Variants in YIPF1 observed in about 807,000 individuals in gnomAD.
YIPF1 encodes the protein protein YIPF1.
A neutral mutation model predicts 37.0 loss-of-function variants in YIPF1; 22 were observed. The observed-to-expected ratio is 0.59, with a 90% CI of 0.42 to 0.85. The LOEUF is 0.85. Ranked by LOEUF, YIPF1 falls within the 40% of genes least tolerant of loss-of-function variation. The probability of loss-of-function intolerance (pLI) is 0.00; values close to 1 mark genes in which losing one functional copy is unlikely to be tolerated. For synonymous variants in YIPF1, 128 were observed against 131.9 expected (o/e 0.97, Z 0.21); for missense variants, 355 against 373.1 (o/e 0.95, Z 0.40).
At chr1:53,878,619 A>G (rs1263659493) in intron 5 of YIPF1, 23 bp downstream of exon 5, 2 of 1,596,466 alleles carry the variant, frequency 1.3e-6, no homozygotes, top group Middle Eastern at 1.7e-4. Flanking sequence ...CCGTAAAAGG[A>G]AAGGTGAAAT....
rs189364286 is a variant in YIPF1, at chr1:53,866,247, T to C, written c.784A>G (p.Ile262Val). ...ATATGGAGCAACACAATTGTCACAA[T>C]TGTGGCCAATGCAACGCGTCGGTTA... ...EDNRRVALAT[I>V]VTIVLLHMLL... The change falls in exon 9 of 11, where the codon ATT (isoleucine) becomes GTT (valine). Residue 262 changes from isoleucine (I) to valine (V), a missense_variant. By Grantham distance (29) the Ile-to-Val change is conservative. Transcript: ENST00000072644. 36 of 1,614,170 alleles carry C rather than the reference T, an allele frequency of 2.2e-5. No homozygotes were observed. The highest frequency in any genetic ancestry group is 3.3e-4 in the Middle Eastern group (2 of 6,062).
chr1:53,856,664 C>G (rs763158929), intron 10 of YIPF1, among the ~76,000 whole-genome samples: 3 of 152,224 alleles, frequency 2.0e-5, no homozygotes, highest in Non-Finnish European at 2.9e-5. Flanking sequence ...CAGGCCAACT[C>G]CAACTGAGTC....
At chr1:53,859,440 G>C (rs909909223) in intron 10 of YIPF1, among the ~76,000 whole-genome samples, 3 of 152,140 alleles carry the variant, frequency 2.0e-5, no homozygotes, top group Non-Finnish European at 4.4e-5. Flanking sequence ...GAGGCAGGTG[G>C]ATCACCTGAG....
intron 6 of YIPF1, among the ~76,000 whole-genome samples, chr1:53,872,597 A>T (rs529154252): frequency 6.6e-6 from 1 of 152,318 alleles, no homozygotes; most frequent in Non-Finnish European, 1.5e-5. Context: ...ATTTTAATAA[A>T]TTGTATGAAT....
chr1:53,883,062 T>C, intron 4 of YIPF1, 51 bp downstream of exon 4: 1 of 1,522,840 alleles, frequency 6.6e-7, no homozygotes, highest in Non-Finnish European at 8.8e-7. Flanking sequence ...AATAAGCACA[T>C]AAACAAGCTT....
At chr1:53,881,126 G>C (rs1650485360) in intron 4 of YIPF1, among the ~76,000 whole-genome samples, 1 of 151,750 alleles carries the variant, frequency 6.6e-6, no homozygotes, top group South Asian at 2.1e-4. Context: ...AGTTGGGCAT[G>C]GTGGCACGTG....
In YIPF1 at chr1:53,883,155, T is replaced by A. The variant is rs1557611088; in HGVS notation, c.153A>T (p.Glu51Asp). 2.1e-5 allele frequency: 34 copies of A among 1,600,800 alleles called. No individual in the cohort carries two copies. The highest frequency in any genetic ancestry group is 2.6e-5 in the Non-Finnish European group (30 of 1,175,062). ...CATCATTTCCCAGTAACTCATCATC[T>A]TCTTCTCTTCCTGAGCCTCTTGGGG... Reference protein sequence around the residue: ...PGSPRGSGREEDDELLGNDDS... With the variant: ...PGSPRGSGREDDDELLGNDDS... Residue 51 changes from glutamate to aspartate, a missense_variant, in exon 4 of 11, where the codon GAA (glutamate) becomes GAT (aspartate). By Grantham distance (45) the Glu-to-Asp change is conservative. Transcript: ENST00000072644.
Position 53,871,625 on chromosome 1 carries a change from G to A in YIPF1, c.365-137C>T, listed in dbSNP as rs555320935. The A allele has an allele frequency of 6.1e-5, 42 of 691,532 alleles. 1 individual carries two copies. In the South Asian group the frequency reaches 8.3e-4, roughly 14 times the overall value. The allele number at this position is 691,532 out of a possible 1,614,324, so 42.8% of individuals were successfully genotyped here. ...TTTCTAGATGGGATCAACACTTGCT[G>A]AAGGGAAATTTTTTTTTCAAAGGTC... On this transcript the variant is annotated intron_variant, in intron 6 of 10. Coordinates refer to ENST00000072644, the MANE Select transcript of YIPF1 (RefSeq NM_018982.5).
intron 3 of YIPF1, among the ~76,000 whole-genome samples, chr1:53,888,524 A>G (rs1046605539): frequency 6.6e-6 from 1 of 152,196 alleles, no homozygotes; most frequent in Admixed American, 6.5e-5. Context: ...TTTCATCCTA[A>G]TGATCTTTTT....
chr1:53,865,119 C>T (rs75090119), intron 9 of YIPF1, among the ~76,000 whole-genome samples: 3,136 of 152,242 alleles, frequency 0.021, 109 homozygotes, highest in African/African-American at 0.071. Flanking sequence ...CTCCACTTTC[C>T]CATATCTGAC....
intron 3 of YIPF1, among the ~76,000 whole-genome samples, chr1:53,885,021 G>T (rs549996395): frequency 6.6e-6 from 1 of 152,154 alleles, no homozygotes. Flanking sequence ...GCAATGTTTG[G>T]GTAGTTTAAG....
intron 8 of YIPF1, 28 bp from the exon 9 acceptor site, chr1:53,866,410 G>A: frequency 6.2e-7 from 1 of 1,605,578 alleles, no homozygotes; most frequent in Non-Finnish European, 8.5e-7. Context: ...GAGGAGCGGG[G>A]AGTTCTTGGG....
chr1:53,855,564 T>C (rs1201591657), intron 10 of YIPF1, among the ~76,000 whole-genome samples: 2 of 152,046 alleles, frequency 1.3e-5, no homozygotes, highest in Non-Finnish European at 1.5e-5. Flanking sequence ...GGTGGTCCCA[T>C]GAGATCACAC....
chr1:53,865,287 A>C (rs993241573), intron 9 of YIPF1, among the ~76,000 whole-genome samples: 1 of 152,112 alleles, frequency 6.6e-6, no homozygotes, highest in African/African-American at 2.4e-5. Flanking sequence ...CCCCCACCCC[A>C]GCTCCCTAAC....
chr1:53,864,897 C>A (rs1016440119), intron 9 of YIPF1, among the ~76,000 whole-genome samples: 1 of 152,160 alleles, frequency 6.6e-6, no homozygotes, highest in Non-Finnish European at 1.5e-5. Flanking sequence ...CCTCTCAGAA[C>A]AATCTTGTGG....
chr1:53,883,364 C>T, intron 3 of YIPF1, 88 bp from the exon 4 acceptor site: 1 of 1,380,904 alleles, frequency 7.2e-7, no homozygotes, highest in Non-Finnish European at 9.5e-7. Flanking sequence ...CTGTCACAAC[C>T]TCAGCTTTGC....
At chr1:53,855,233 G>C (rs993095476) in intron 10 of YIPF1, among the ~76,000 whole-genome samples, 4 of 151,658 alleles carry the variant, frequency 2.6e-5, no homozygotes, top group African/African-American at 9.7e-5. Flanking sequence ...ATCACACTGC[G>C]ATATGATTAT....
intron 6 of YIPF1, among the ~76,000 whole-genome samples, chr1:53,875,472 G>A (rs1476969320): frequency 6.6e-6 from 1 of 152,066 alleles, no homozygotes; most frequent in African/African-American, 2.4e-5. Context: ...AGCCATTATC[G>A]AGCCACTGCA....
chr1:53,888,928 C>T lies in YIPF1; in HGVS notation c.10G>A (p.Val4Ile). 1 of 1,596,004 alleles carries T rather than the reference C, an allele frequency of 6.3e-7. No individual in the cohort carries two copies. The highest frequency in any genetic ancestry group is 8.6e-7 in the Non-Finnish European group (1 of 1,165,176). The change falls in exon 3 of 11, where the codon GTA becomes ATA. Residue 4 changes from valine to isoleucine, a missense_variant. Val to Ile is a conservative substitution (Grantham distance 29). Coordinates refer to ENST00000072644, the MANE Select transcript of YIPF1 (RefSeq NM_018982.5). The stretch of plus-strand genomic sequence containing the variant: ...ATACCTTCAAATTGCAAGTCATCTA[C>T]TGCTGCCATTCGGCCAGTGAGTCTT... Reference protein sequence around the residue: MAAVDDLQFEEFGN... With the variant: MAAIDDLQFEEFGN...
Sources: allele counts gnomAD v4.1 joint callset (sites outside exome capture counted in the v4.1 genomes callset), GRCh38; gene constraint gnomAD v4.1.1; transcripts MANE v1.5; gene names NCBI Gene and HGNC (gene_info 2026-07-23, HGNC 2026-07-21).